The following CCDC148 variants were observed in gnomAD, a reference collection of about 807,000 sequenced individuals.
The protein encoded by CCDC148 is coiled-coil domain containing 148.
A neutral mutation model predicts 85.7 loss-of-function variants in CCDC148; 89 were observed. The observed-to-expected ratio is 1.04, with a 90% CI of 0.87 to 1.24. The LOEUF (loss-of-function observed/expected upper bound fraction) is 1.24. CCDC148 is among the 50% of genes most tolerant of loss of function. The pLI, the probability that CCDC148 is intolerant of heterozygous loss-of-function variation, is 0.00. For synonymous variants in CCDC148, 230 were observed against 213.9 expected (o/e 1.08, Z -0.66); for missense variants, 692 against 671.7 (o/e 1.03, Z -0.33).
intron 11 of CCDC148, among the ~76,000 whole-genome samples, chr2:158,217,312 A>G (rs1335110397): frequency 1.7e-5 from 2 of 119,942 alleles, no homozygotes; most frequent in African/African-American, 3.0e-5. Context: ...TTATGTAGGT[A>G]TATATATATA....
intron 1 of CCDC148, among the ~76,000 whole-genome samples, chr2:158,441,307 C>T (rs558596939): frequency 1.3e-5 from 2 of 152,016 alleles, no homozygotes; most frequent in African/African-American, 2.4e-5. Context: ...TGCCAATTTA[C>T]CAAAATGAAC....
chr2:158,220,209 T>G (rs896382245), intron 11 of CCDC148, among the ~76,000 whole-genome samples: 2 of 152,216 alleles, frequency 1.3e-5, no homozygotes, highest in Non-Finnish European at 2.9e-5. Flanking sequence ...TGTATAATTG[T>G]GTACTGTCTT....
chr2:158,208,040 G>A (rs1686344827), intron 11 of CCDC148, among the ~76,000 whole-genome samples: 1 of 151,762 alleles, frequency 6.6e-6, no homozygotes, highest in Admixed American at 6.6e-5. Flanking sequence ...ATGAGGTGTT[G>A]TTATTGGTAG....
intron 1 of CCDC148, among the ~76,000 whole-genome samples, chr2:158,431,593 A>AT (rs1687355664): frequency 1.3e-5 from 2 of 152,028 alleles, no homozygotes; most frequent in Admixed American, 1.3e-4. Flanking sequence ...AAGAGAAGAG[A>AT]TTTTTAGCTG....
chr2:158,404,503 C>A (rs771261256), intron 1 of CCDC148, among the ~76,000 whole-genome samples: 3 of 152,082 alleles, frequency 2.0e-5, no homozygotes, highest in Non-Finnish European at 4.4e-5. Flanking sequence ...ATCACAAACT[C>A]CTCTTCAGCA....
intron 9 of CCDC148, among the ~76,000 whole-genome samples, chr2:158,278,416 C>T (rs1422907267): frequency 1.3e-5 from 2 of 152,216 alleles, no homozygotes; most frequent in East Asian, 3.9e-4. Context: ...TCGGGTCACT[C>T]CCACCCTAAT....
rs777003362 is a variant in CCDC148, at chr2:158,338,872, C to T, written c.618G>A (p.Pro206=). The T allele has an allele frequency of 9.3e-6, 15 of 1,608,198 alleles. No homozygotes were observed. The highest frequency in any genetic ancestry group is 5.6e-5 in the South Asian group (5 of 89,544). ...CTAATTCAATGGGCAGTTCACTAAG[C>T]GGGTTAGTCTTTTCTTCCAAAGAAT... The part of the protein sequence containing the change: ...LDHSLEEKTN[P]LSELPIELES... Residue 206 remains proline, a synonymous_variant, in exon 7 of 14, where the codon CCG becomes CCA. Coordinates refer to ENST00000283233, the MANE Select transcript of CCDC148 (RefSeq NM_138803.4).
intron 9 of CCDC148, among the ~76,000 whole-genome samples, chr2:158,278,303 C>T (rs756338299): frequency 5.9e-5 from 9 of 152,100 alleles, no homozygotes; most frequent in South Asian, 2.1e-4. Context: ...TCACCATGCA[C>T]GAGCCTAAGC....
At chr2:158,446,361 AG>A (rs1688158113) in intron 1 of CCDC148, among the ~76,000 whole-genome samples, 3 of 151,750 alleles carry the variant, frequency 2.0e-5, no homozygotes, top group Non-Finnish European at 4.4e-5. Context: ...AAAAAAAAAA[AG>A]AATCAATTCC....
At chr2:158,368,090 CA>C (rs1684277891) in intron 1 of CCDC148, among the ~76,000 whole-genome samples, 1 of 152,080 alleles carries the variant, frequency 6.6e-6, no homozygotes, top group Admixed American at 6.6e-5. Flanking sequence ...ATAATTAATA[CA>C]CTGGCCAAAC....
At chr2:158,434,843 T>G (rs1043248129) in intron 1 of CCDC148, among the ~76,000 whole-genome samples, 1 of 152,160 alleles carries the variant, frequency 6.6e-6, no homozygotes, top group African/African-American at 2.4e-5. Flanking sequence ...CAAGCTTTAG[T>G]AGCCAATTTG....
intron 1 of CCDC148, among the ~76,000 whole-genome samples, chr2:158,442,726 C>A (rs1206945136): frequency 2.0e-5 from 3 of 152,352 alleles, no homozygotes; most frequent in African/African-American, 7.2e-5. Context: ...TTCCAGCCTG[C>A]GCTGAAGTCA....
chr2:158,348,452 T>C (rs1007642638), intron 2 of CCDC148, among the ~76,000 whole-genome samples: 1 of 151,374 alleles, frequency 6.6e-6, no homozygotes, highest in Non-Finnish European at 1.5e-5. Context: ...AAAAAAAGTA[T>C]AATGTACAGA....
chr2:158,203,941 TA>T lies in CCDC148; in HGVS notation c.1370+16653del, dbSNP rs577018934. Among the ~76,000 whole-genome samples the T allele has an allele frequency of 4.7e-3, 721 of 152,264 alleles. 1 individual carries two copies. Among genetic ancestry groups the T allele is most frequent in the African/African-American group, 0.016 (657 of 41,574 alleles). Reference sequence around the variant, plus strand: ...ATGGTACTCTTTCCTTTGTTTAGAATAAAAAGGCAAACATAAATAACCAAGA... The same window carrying T: ...ATGGTACTCTTTCCTTTGTTTAGAATAAAAGGCAAACATAAATAACCAAGA... On this transcript the variant is annotated intron_variant, in intron 11 of 13. Transcript: ENST00000283233.
chr2:158,317,446 G>A (rs548036718), intron 7 of CCDC148, among the ~76,000 whole-genome samples: 3 of 152,082 alleles, frequency 2.0e-5, no homozygotes, highest in East Asian at 3.9e-4. Flanking sequence ...ATATAGTATC[G>A]ATCACAGATA....
chr2:158,456,376 G>A lies in CCDC148; in HGVS notation c.25+39C>T, dbSNP rs1313773183. The A allele has an allele frequency of 1.9e-5, 30 of 1,604,172 alleles. No individual in the cohort carries two copies. In the East Asian group the frequency reaches 6.0e-4, roughly 32 times the overall value. ...GGATTTAGGTGGCTCAGTGACGTCA[G>A]GAGGAAGCAGCGATGGAAGGGATGG... On this transcript the variant is annotated intron_variant, in intron 1 of 13. Transcript: ENST00000283233.
At chr2:158,376,661 A>G (rs1684663171) in intron 1 of CCDC148, among the ~76,000 whole-genome samples, 1 of 152,098 alleles carries the variant, frequency 6.6e-6, no homozygotes, top group Non-Finnish European at 1.5e-5. Flanking sequence ...GAAAGGAGTT[A>G]AGATAAAGTT....
At chr2:158,239,350 G>C (rs115243962) in intron 10 of CCDC148, among the ~76,000 whole-genome samples, 41 of 139,784 alleles carry the variant, frequency 2.9e-4, no homozygotes, top group African/African-American at 6.8e-4. Context: ...ACTATGTCCT[G>C]ACAGAGGGTA....
At chr2:158,205,767 G>A (rs1686210231) in intron 11 of CCDC148, among the ~76,000 whole-genome samples, 1 of 152,156 alleles carries the variant, frequency 6.6e-6, no homozygotes. Context: ...TATGAACACA[G>A]GTCAGAACAA....
Sources: gnomAD v4.1 joint callset for allele counts (sites outside exome capture counted in the v4.1 genomes callset) on GRCh38, gnomAD v4.1.1 for gene constraint, MANE v1.5 for transcripts, NCBI Gene and HGNC (gene_info 2026-07-23, HGNC 2026-07-21) for gene names.